TESK2: variants seen among roughly 807,000 people sequenced by gnomAD.
The protein encoded by TESK2 is testis associated actin remodelling kinase 2, also known as dual specificity testis-specific protein kinase 2.
A neutral mutation model predicts 57.1 loss-of-function variants in TESK2; 39 were observed. The observed-to-expected ratio is 0.68, with a 90% confidence interval of 0.53 to 0.89. TESK2 has a LOEUF of 0.89. Ranked by LOEUF, TESK2 falls within the 40% of genes least tolerant of loss-of-function variation. The probability of loss-of-function intolerance (pLI) is 0.00; values close to 1 mark genes in which losing one functional copy is unlikely to be tolerated. For synonymous variants in TESK2, 249 were observed against 267.9 expected, an observed-to-expected ratio of 0.93 and a Z score of 0.69; for missense variants, 646 against 732.1, an observed-to-expected ratio of 0.88 and a Z score of 1.36.
At chr1:45,451,657 T>C (rs761147499) in intron 2 of TESK2, among the ~76,000 whole-genome samples, 13 of 152,210 alleles carry the variant, frequency 8.5e-5, no homozygotes, top group Non-Finnish European at 1.5e-4. Context: ...TTTAGGATTC[T>C]ATTGGCAGCA....
intron 3 of TESK2, among the ~76,000 whole-genome samples, chr1:45,394,517 C>T (rs145263528): frequency 4.0e-5 from 6 of 151,698 alleles, no homozygotes; most frequent in South Asian, 2.1e-4. Flanking sequence ...AATGCAGACT[C>T]GCACTCTGTA....
intron 2 of TESK2, among the ~76,000 whole-genome samples, chr1:45,453,817 T>TAA (rs1408086841): frequency 4.5e-4 from 69 of 152,170 alleles, no homozygotes; most frequent in Non-Finnish European, 1.2e-4. Flanking sequence ...TCCCTATATA[T>TAA]AAAATATATA....
intron 3 of TESK2, among the ~76,000 whole-genome samples, chr1:45,411,203 A>AT (rs76085285): frequency 6.6e-6 from 1 of 151,916 alleles, no homozygotes; most frequent in African/African-American, 2.4e-5. Context: ...TTTCTGAGAG[A>AT]TTTTTTTCAG....
At chr1:45,450,866 T>C (rs1252495896) in intron 2 of TESK2, among the ~76,000 whole-genome samples, 2 of 152,140 alleles carry the variant, frequency 1.3e-5, no homozygotes, top group Non-Finnish European at 2.9e-5. Flanking sequence ...CATGTTGGTG[T>C]GCTGTTGCCT....
chr1:45,381,314 C>T (rs1026996210), intron 4 of TESK2, among the ~76,000 whole-genome samples: 12 of 152,146 alleles, frequency 7.9e-5, no homozygotes, highest in Non-Finnish European at 1.5e-5. Context: ...TGCCTTTTGA[C>T]ACATAACTTT....
At chr1:45,465,837 A>T (rs1652528604) in intron 1 of TESK2, among the ~76,000 whole-genome samples, 1 of 152,224 alleles carries the variant, frequency 6.6e-6, no homozygotes, top group African/African-American at 2.4e-5. Flanking sequence ...ATTACTCAAT[A>T]AAACATACAG....
chr1:45,429,363 T>A (rs1205632804), intron 2 of TESK2, among the ~76,000 whole-genome samples: 1 of 151,954 alleles, frequency 6.6e-6, no homozygotes, highest in African/African-American at 2.4e-5. Flanking sequence ...GCCATTGCAC[T>A]CCAGCCTGGG....
Position 45,457,842 on chromosome 1 carries a change from G to A in TESK2, c.-57C>T, listed in dbSNP as rs965132906. The A allele has an allele frequency of 1.1e-5, 17 of 1,513,810 alleles. No homozygotes were observed. Among genetic ancestry groups the A allele is most frequent in the Non-Finnish European group, 1.5e-5 (16 of 1,101,426 alleles). The allele number at this position is 1,513,810 out of a possible 1,614,324, so 93.8% of individuals were successfully genotyped here. On this transcript the variant is annotated 5_prime_UTR_variant, in exon 2 of 11. The change creates a premature stop within an existing upstream ORF in the 5' untranslated region. Coordinates refer to ENST00000372086, the MANE Select transcript of TESK2 (RefSeq NM_007170.3). The stretch of plus-strand genomic sequence containing the variant: ...GAAGGAACTCCACACATAAATTTTT[G>A]TTGAATTTTACTTCTCTTCTGGTTT...
Position 45,344,809 on chromosome 1 carries a change from A to G in TESK2, c.*31T>C. On this transcript the variant is annotated 3_prime_UTR_variant, in exon 11 of 11. Transcript: ENST00000372086. ...GCCATATGGTTTCAGCTGAAGGTCC[A>G]TCCCCAAGGTGAGGCAGGGACTAAA... is the stretch of plus-strand genomic sequence containing the variant. 6.3e-7 allele frequency: 1 copy of G among 1,575,504 alleles called. No homozygotes were observed.
chr1:45,383,300 C>T (rs1277590906), intron 4 of TESK2, among the ~76,000 whole-genome samples: 2 of 152,122 alleles, frequency 1.3e-5, no homozygotes, highest in Admixed American at 6.6e-5. Context: ...CTAGAAGTCT[C>T]GAAAGACCTA....
chr1:45,367,524 T>G (rs958808305), intron 4 of TESK2, among the ~76,000 whole-genome samples: 15 of 150,854 alleles, frequency 9.9e-5, no homozygotes, highest in African/African-American at 3.4e-4. Context: ...AATTGTTGTA[T>G]TTTTAGTAGA....
intron 1 of TESK2, among the ~76,000 whole-genome samples, chr1:45,471,925 T>C (rs1403739599): frequency 1.3e-5 from 2 of 152,032 alleles, no homozygotes; most frequent in Non-Finnish European, 2.9e-5. Context: ...GCCTCAGCAC[T>C]ACCATGCTGA....
chr1:45,399,348 CTT>C (rs1454975078), intron 3 of TESK2, among the ~76,000 whole-genome samples: 2 of 151,732 alleles, frequency 1.3e-5, no homozygotes, highest in Non-Finnish European at 2.9e-5. Flanking sequence ...GAGTTTTGCT[CTT>C]GTTACCCAGG....
intron 3 of TESK2, among the ~76,000 whole-genome samples, chr1:45,396,397 T>C (rs1649359508): frequency 6.6e-6 from 1 of 151,474 alleles, no homozygotes; most frequent in Non-Finnish European, 1.5e-5. Context: ...CGCCCAGCCT[T>C]CACTGGGTAA....
intron 7 of TESK2, among the ~76,000 whole-genome samples, chr1:45,347,351 A>G (rs1006174334): frequency 3.9e-5 from 6 of 152,148 alleles, no homozygotes; most frequent in Non-Finnish European, 7.4e-5. Flanking sequence ...AGATCACTTC[A>G]GGTCAGGAGT....
At chr1:45,383,816 G>GA (rs1193352073) in intron 4 of TESK2, among the ~76,000 whole-genome samples, 2 of 151,856 alleles carry the variant, frequency 1.3e-5, no homozygotes, top group African/African-American at 4.8e-5. Context: ...TCACTTCCAA[G>GA]AAAAAAAATA....
At chr1:45,386,111 G>C (rs1312303271) in intron 3 of TESK2, 151 bp from the exon 4 acceptor site, 3 of 531,598 alleles carry the variant, frequency 5.6e-6, no homozygotes, top group African/African-American at 3.9e-5. Context: ...TTAGGAGGCA[G>C]AGGTGTGCGG....
intron 4 of TESK2, among the ~76,000 whole-genome samples, chr1:45,384,215 G>A (rs555869732): frequency 3.9e-5 from 6 of 152,120 alleles, no homozygotes; most frequent in African/African-American, 1.4e-4. Flanking sequence ...AGGCCAGCAC[G>A]TTCTTCTGGT....
chr1:45,446,916 A>AT lies in TESK2; in HGVS notation c.222+10647dup, dbSNP rs1332001535. ...AAAACATAAATTTGTGTTAAGTGTG[A>AT]TTTTTTAAAATGGGGCCTCAGCCAG... On this transcript the variant is annotated intron_variant, in intron 2 of 10. Coordinates refer to ENST00000372086, the MANE Select transcript of TESK2 (RefSeq NM_007170.3). 2.6e-5 allele frequency among the ~76,000 whole-genome samples: 4 copies of AT among 152,320 alleles called. No homozygotes were observed. The East Asian group carries it at 5.8e-4, about 22-fold the overall frequency.
Sources: allele counts gnomAD v4.1 joint callset (sites outside exome capture counted in the v4.1 genomes callset), GRCh38; gene constraint gnomAD v4.1.1; transcripts MANE v1.5; gene names NCBI Gene and HGNC (gene_info 2026-07-23, HGNC 2026-07-21).